PCGF1: variants seen among roughly 807,000 people sequenced by gnomAD.
PCGF1 encodes the protein polycomb group ring finger 1, also known as polycomb group RING finger protein 1.
In PCGF1, 10 loss-of-function variants were observed where a neutral mutation model predicts 38.8. The observed-to-expected ratio is 0.26, with a 90% CI of 0.16 to 0.44. The LOEUF is 0.44. Among genes scored for constraint, PCGF1 ranks in the 20% least tolerant of loss-of-function variants. The pLI is 1.00. For synonymous variants in PCGF1, 119 were observed against 121.3 expected, an observed-to-expected ratio of 0.98 and a Z score of 0.12; for missense variants, 230 against 331.5, an observed-to-expected ratio of 0.69 and a Z score of 2.38.
intron 7 of PCGF1, 36 bp from the exon 8 acceptor site, chr2:74,505,455 T>G (rs776578161): frequency 6.2e-7 from 1 of 1,606,674 alleles, no homozygotes; most frequent in African/African-American, 1.3e-5. Flanking sequence ...TTAGGAACTT[T>G]CTGGCAGGTC....
At chr2:74,507,498 C>A (rs1674670069) in intron 1 of PCGF1, 78 bp downstream of exon 1, 4 of 1,526,768 alleles carry the variant, frequency 2.6e-6, no homozygotes, top group Non-Finnish European at 3.5e-6. Context: ...GGGCGCCCGG[C>A]CAGCCACCGC....
chr2:74,505,178 G>A lies in PCGF1; in HGVS notation c.745C>T (p.Leu249Phe), dbSNP rs1203296040. ...SRWFGKPSPL[L>F]LQYSVKEKRR The stretch of plus-strand genomic sequence containing the variant: ...TTCTCTTTCACACTGTATTGTAAAA[G>A]CAAAGGGGATGGCTAAGGAGAGAAT... Residue 249 changes from leucine to phenylalanine, a missense_variant, in exon 9 of 9, where the codon CTT becomes TTT. Physicochemically the swap from Leu to Phe is conservative, Grantham distance 22. Coordinates refer to ENST00000233630, the MANE Select transcript of PCGF1 (RefSeq NM_032673.3). 6.5e-7 allele frequency: 1 copy of A among 1,549,970 alleles called. No individual in the cohort carries two copies. Among genetic ancestry groups the A allele is most frequent in the East Asian group, 2.3e-5 (1 of 44,192 alleles).
intron 5 of PCGF1, 69 bp downstream of exon 5, chr2:74,505,883 C>T (rs1440214677): frequency 1.9e-6 from 3 of 1,603,644 alleles, no homozygotes; most frequent in East Asian, 2.2e-5. Context: ...CTCAGCCTCT[C>T]CCCTAGACCC....
Position 74,505,132 on chromosome 2 carries a change from G to T in PCGF1, c.*11C>A. 1 of 1,489,902 alleles carries T rather than the reference G, an allele frequency of 6.7e-7. No homozygotes were observed. Among genetic ancestry groups the T allele is most frequent in the East Asian group, 2.3e-5 (1 of 43,120 alleles). The allele number at this position is 1,489,902 out of a possible 1,614,324, so 92.3% of individuals were successfully genotyped here. A position where few individuals can be genotyped will look rare whatever the true frequency, so the allele number is the denominator to read the frequency against. On this transcript the variant is annotated 3_prime_UTR_variant, in exon 9 of 9. Coordinates refer to ENST00000233630, the MANE Select transcript of PCGF1 (RefSeq NM_032673.3). ...AGGGAAGGGGAGTGGGATGGGGTGG[G>T]GGCTTGGCCCCTACCTCCTCTTCTC...
intron 1 of PCGF1, 89 bp from the exon 2 acceptor site, chr2:74,507,236 C>G (rs899956950): frequency 1.3e-6 from 2 of 1,512,376 alleles, no homozygotes; most frequent in African/African-American, 1.4e-5. Flanking sequence ...CTTCATCACA[C>G]TAGACGGCCA....
At position 74,507,255 on chromosome 2, in the gene PCGF1, G is replaced by T. The variant is rs1215398166; in HGVS notation, c.94-108C>A. The T allele has an allele frequency of 2.7e-6, 4 of 1,485,444 alleles. No homozygotes were observed. In the African/African-American group the frequency reaches 5.6e-5, roughly 21 times the overall value. 92.0% of individuals were successfully genotyped at this position (1,485,444 alleles called of 1,614,324 possible). A position where few individuals can be genotyped will look rare whatever the true frequency, so the allele number is the denominator to read the frequency against. ...ATCACACTAGACGGCCAAGCCCCGC[G>T]CCCTGCGCCATCAGCCGGGGATTAG... On this transcript the variant is annotated intron_variant, in intron 1 of 8. Coordinates refer to ENST00000233630, the MANE Select transcript of PCGF1 (RefSeq NM_032673.3).
In PCGF1 at chr2:74,505,554, G is replaced by A; in HGVS notation, c.649C>T (p.His217Tyr). Reference sequence around the variant, plus strand: ...AAACCTACTGTGGGACTACTCACATGCTGAGGGTTTAGCATCAAGCGGTGA... The same window carrying A: ...AAACCTACTGTGGGACTACTCACATACTGAGGGTTTAGCATCAAGCGGTGA... ...LCHRLMLNPQ[H>Y]VQLLFDNEVL... The change falls in exon 7 of 9, where the codon CAT becomes TAT. Residue 217 changes from histidine (H) to tyrosine (Y), a missense_variant and splice_region_variant. Around this residue, in one of 3 missense-constraint regions of PCGF1, gnomAD observed 144 missense variants for 182.4 expected, o/e 0.79. Transcript: ENST00000233630. 1 of 1,614,182 alleles carries A rather than the reference G, an allele frequency of 6.2e-7. No individual in the cohort carries two copies.
intron 1 of PCGF1, 150 bp from the exon 2 acceptor site, chr2:74,507,297 C>G: frequency 6.8e-7 from 1 of 1,467,170 alleles, no homozygotes; most frequent in East Asian, 2.5e-5. Flanking sequence ...GGGGCTGGCA[C>G]TCCCCCTCCG....
At chr2:74,507,342 C>A (rs1311651429) in intron 1 of PCGF1, 195 bp from the exon 2 acceptor site, 4 of 1,453,394 alleles carry the variant, frequency 2.8e-6, no homozygotes, top group Non-Finnish European at 3.6e-6. Flanking sequence ...CGGGGGCTTC[C>A]CTCACGTGGA....
intron 3 of PCGF1, 129 bp downstream of exon 3, chr2:74,506,603 T>C: frequency 9.7e-7 from 1 of 1,036,232 alleles, no homozygotes; most frequent in Non-Finnish European, 1.5e-6. Context: ...GTATTAGCCC[T>C]TCCTCACTTT....
rs574493633 is a variant in PCGF1 at position 74,505,401 on chromosome 2, T to C, written c.670A>G (p.Asn224Asp). ...GTCATGTGATCAGGGAGAACTTCAT[T>C]GTCAAAAAGGAGCTGCACCTAGGAG... ...NPQHVQLLFD[N>D]EVLPDHMTMK... The change falls in exon 8 of 9, where the codon AAT becomes GAT. Residue 224 changes from asparagine to aspartate, a missense_variant. Coordinates refer to ENST00000233630, the MANE Select transcript of PCGF1 (RefSeq NM_032673.3). 6.2e-7 allele frequency: 1 copy of C among 1,610,508 alleles called. No homozygotes were observed. Among genetic ancestry groups the C allele is most frequent in the Admixed American group, 1.7e-5 (1 of 59,320 alleles).
At chr2:74,505,292 G>T in intron 8 of PCGF1, 47 bp downstream of exon 8, 1 of 1,584,444 alleles carries the variant, frequency 6.3e-7, no homozygotes, top group South Asian at 1.1e-5. Context: ...GGATGGTTGG[G>T]GGGAGTCTGA....
intron 3 of PCGF1, chr2:74,506,519 A>T: frequency 3.2e-6 from 2 of 629,492 alleles, no homozygotes. Flanking sequence ...TGGAGCTTGC[A>T]GTGAGCTGAG....
rs1381263546 is a variant in PCGF1, at chr2:74,507,585, T to G, written c.84A>C (p.Leu28=). The change falls in exon 1 of 9, where the codon CTA becomes CTC. Residue 28 remains leucine (L), a synonymous_variant. Coordinates refer to ENST00000233630, the MANE Select transcript of PCGF1 (RefSeq NM_032673.3). ...CCTGCCGCCCTTGCACCTCGTTCCG[T>G]AGCGGGTCCATCTTGTACACTGACT... ...QLQSVYKMDP[L]RNEEEVRVKI... The G allele has an allele frequency of 6.3e-7, 1 of 1,587,874 alleles. No homozygotes were observed. Among genetic ancestry groups the G allele is most frequent in the South Asian group, 1.2e-5 (1 of 86,924 alleles).
In PCGF1 at chr2:74,506,746, G is replaced by C; in HGVS notation, c.338C>G (p.Pro113Arg). The change falls in exon 3 of 9, where the codon CCT (proline) becomes CGT (arginine). Residue 113 changes from proline (P) to arginine (R), a missense_variant. By Grantham distance (103) the Pro-to-Arg change is moderately radical. Coordinates refer to ENST00000233630, the MANE Select transcript of PCGF1 (RefSeq NM_032673.3). ...VMQDIVYKLV[P>R]GLQDSEEKRI... ...TGGTGACTCACTGTCTTGCAAGCCA[G>C]GCACCAGCTTATACACGATGTCCTG... The C allele has an allele frequency of 1.2e-6, 2 of 1,613,884 alleles. No individual in the cohort carries two copies. The highest frequency in any genetic ancestry group is 1.7e-6 in the Non-Finnish European group (2 of 1,179,946).
At position 74,507,660 on chromosome 2, in the gene PCGF1, A is replaced by C; in HGVS notation, c.9T>G (p.Ser3=). MA[S]PQGGQIAIAM... is the part of the protein sequence containing the mutation. ...CGATCGCAATCTGGCCCCCCTGAGG[A>C]GACGCCATCTTAAAGGCTGATCCCA... The change falls in exon 1 of 9, where the codon TCT becomes TCG. Residue 3 remains serine (S), a synonymous_variant. Transcript: ENST00000233630. 6.4e-7 allele frequency: 1 copy of C among 1,560,780 alleles called. No individual in the cohort carries two copies. Among genetic ancestry groups the C allele is most frequent in the Non-Finnish European group, 8.7e-7 (1 of 1,153,018 alleles).
chr2:74,506,711 A>G, intron 3 of PCGF1, 21 bp downstream of exon 3: 1 of 1,613,018 alleles, frequency 6.2e-7, no homozygotes, highest in South Asian at 1.1e-5. Flanking sequence ...GAGGCCCCTC[A>G]AAGTCAGGTT....
At chr2:74,506,693 G>A in intron 3 of PCGF1, 39 bp downstream of exon 3, 1 of 1,610,510 alleles carries the variant, frequency 6.2e-7, no homozygotes, top group Non-Finnish European at 8.5e-7. Flanking sequence ...TCAGCAATTA[G>A]TCCTCAAGAG....
chr2:74,507,507 G>T, intron 1 of PCGF1, 69 bp downstream of exon 1: 1 of 1,535,506 alleles, frequency 6.5e-7, no homozygotes. Flanking sequence ...GCCAGCCACC[G>T]CCCGTCCTTT....
Sources: gnomAD v4.1 joint callset for allele counts on GRCh38, gnomAD v4.1.1 for gene constraint, gnomAD v4.1.1 regional missense constraint, MANE v1.5 for transcripts, NCBI Gene and HGNC (gene_info 2026-07-23, HGNC 2026-07-21) for gene names.